Variants in LENG8 observed in about 807,000 individuals in gnomAD.
LENG8 encodes the protein leukocyte receptor cluster (LRC) member 8.
LENG8 carries 28 observed loss-of-function variants against 102.1 expected under a neutral mutation model. That is an observed-to-expected ratio of 0.27 (90% confidence interval 0.20 to 0.38). The LOEUF is 0.38. Among genes scored for constraint, LENG8 ranks in the 10% least tolerant of loss-of-function variants. The pLI is 1.00. For missense variants in LENG8, 1,022 were observed against 1,113.9 expected (o/e 0.92, Z 1.17); for synonymous variants, 531 against 456.7 (o/e 1.16, Z -2.07).
intron 15 of LENG8, 47 bp from the exon 16 acceptor site, chr19:54,460,719 G>GTCC: frequency 3.9e-6 from 3 of 778,920 alleles, no homozygotes; most frequent in South Asian, 2.1e-5. Flanking sequence ...GCCCTCCCCT[G>GTCC]CCCTCCCGCC....
rs1221630801 is a variant in LENG8, at chr19:54,461,120, C to T, written c.*192C>T. 2.2e-6 allele frequency: 2 copies of T among 897,104 alleles called. No homozygotes were observed. The highest frequency in any genetic ancestry group is 1.7e-5 in the African/African-American group (1 of 60,098). The allele number at this position is 897,104 out of a possible 1,614,324, so 55.6% of individuals were successfully genotyped here. ...GATTTTTCTACGTTTTTATTTTTTG[C>T]CTCAGAGGGATGGGATTGGGGAGGA... On this transcript the variant is annotated 3_prime_UTR_variant, in exon 16 of 16. Coordinates refer to ENST00000326764, the MANE Select transcript of LENG8 (RefSeq NM_052925.4).
chr19:54,459,712 A>C, intron 15 of LENG8: 1 of 1,030,460 alleles, frequency 9.7e-7, no homozygotes, highest in Non-Finnish European at 1.2e-6. Context: ...TTGGAGACTC[A>C]TTCTGGAATC....
intron 11 of LENG8, among the ~76,000 whole-genome samples, 158 bp from the exon 12 acceptor site, chr19:54,457,589 C>T (rs2084317643): frequency 6.6e-6 from 1 of 152,162 alleles, no homozygotes; most frequent in Non-Finnish European, 1.5e-5. Context: ...GATCCACACA[C>T]CTCGGCCTCC....
At chr19:54,450,220 C>T (rs900089039) in intron 1 of LENG8, among the ~76,000 whole-genome samples, 2 of 152,152 alleles carry the variant, frequency 1.3e-5, no homozygotes, top group Non-Finnish European at 2.9e-5. Flanking sequence ...CCAGCCCTAC[C>T]CCTGCTTCCG....
At chr19:54,451,457 G>A in intron 2 of LENG8, 75 bp downstream of exon 2, 1 of 1,489,866 alleles carries the variant, frequency 6.7e-7, no homozygotes, top group Non-Finnish European at 9.4e-7. Flanking sequence ...CCTCTGGGGT[G>A]GGACCTCCCG....
intron 15 of LENG8, 49 bp from the exon 16 acceptor site, chr19:54,460,717 C>CGG: frequency 2.6e-4 from 359 of 1,359,384 alleles, no homozygotes; most frequent in Middle Eastern, 5.2e-4. Context: ...GGGCCCTCCC[C>CGG]TGCCCTCCCG....
At chr19:54,458,946 C>T in intron 15 of LENG8, 2 of 1,497,822 alleles carry the variant, frequency 1.3e-6, no homozygotes, top group Non-Finnish European at 1.8e-6. Flanking sequence ...GGACAAGGCC[C>T]AGTCCCACTC....
chr19:54,455,270 C>G (rs1213617942), intron 7 of LENG8, 94 bp from the exon 8 acceptor site: 7 of 1,516,150 alleles, frequency 4.6e-6, no homozygotes. Context: ...AACTTGGGGA[C>G]TGCGTCCCGC....
intron 2 of LENG8, 166 bp from the exon 3 acceptor site, chr19:54,451,927 T>C (rs2083980296): frequency 1.7e-6 from 1 of 587,182 alleles, no homozygotes; most frequent in Middle Eastern, 3.1e-4. Flanking sequence ...CCCAGCAGAC[T>C]CTGAAGCAGA....
intron 11 of LENG8, among the ~76,000 whole-genome samples, chr19:54,457,525 G>C (rs2084313335): frequency 1.3e-5 from 2 of 152,140 alleles, no homozygotes; most frequent in African/African-American, 4.8e-5. Flanking sequence ...ATTTTTAGTA[G>C]AGACGGGGTT....
intron 7 of LENG8, 61 bp downstream of exon 7, chr19:54,455,153 A>G: frequency 6.2e-7 from 1 of 1,604,016 alleles, no homozygotes; most frequent in Non-Finnish European, 8.5e-7. Context: ...TCTATGGTCC[A>G]GTCCCACTGG....
chr19:54,449,958 C>T (rs1240501906), intron 1 of LENG8, among the ~76,000 whole-genome samples: 1 of 152,184 alleles, frequency 6.6e-6, no homozygotes, highest in African/African-American at 2.4e-5. Flanking sequence ...GGGCTTTTCC[C>T]CAGCTCCAGA....
At position 54,452,150 on chromosome 19, in the gene LENG8, G is replaced by C. The variant is rs768498554; in HGVS notation, c.96G>C (p.Pro32=). The C allele has an allele frequency of 6.2e-7, 1 of 1,614,012 alleles. No homozygotes were observed. Among genetic ancestry groups the C allele is most frequent in the African/African-American group, 1.3e-5 (1 of 74,922 alleles). The part of the protein sequence containing the change: ...GAGRENGMET[P]MHENPEWEKA... ...GCCGAGAGAATGGCATGGAGACGCC[G>C]ATGCACGAGAACCCGGAGTGGGAGA... Residue 32 remains proline (P), a synonymous_variant, in exon 3 of 16, where the codon CCG becomes CCC. Coordinates refer to ENST00000326764, the MANE Select transcript of LENG8 (RefSeq NM_052925.4).
Position 54,452,217 on chromosome 19 carries a change from G to A in LENG8, c.163G>A (p.Ala55Thr). Reference sequence around the variant, plus strand: ...GGCCAGCATCAGCAAGTCAGGAGCTGCCGGCGGCTCTGCCAAGTCCAGCAG... The same window carrying A: ...GGCCAGCATCAGCAAGTCAGGAGCTACCGGCGGCTCTGCCAAGTCCAGCAG... Reference protein sequence around the residue: ...ALASISKSGAAGGSAKSSSNG... With the variant: ...ALASISKSGATGGSAKSSSNG... The change falls in exon 3 of 16, where the codon GCC (alanine) becomes ACC (threonine). Residue 55 changes from alanine (A) to threonine (T), a missense_variant. By Grantham distance (58) the Ala-to-Thr change is moderately conservative. Transcript: ENST00000326764. 1 of 1,613,928 alleles carries A rather than the reference G, an allele frequency of 6.2e-7. No homozygotes were observed. The highest frequency in any genetic ancestry group is 8.5e-7 in the Non-Finnish European group (1 of 1,179,946).
Position 54,455,346 on chromosome 19 carries a change from T to C in LENG8, c.822-18T>C. Reference sequence around the variant, plus strand: ...TTGGGATCGTCTCCAGCTGAGCCCCTCATCTGTCCTCCCGCAGCGGGTCCT... The same window carrying C: ...TTGGGATCGTCTCCAGCTGAGCCCCCCATCTGTCCTCCCGCAGCGGGTCCT... On this transcript the variant is annotated intron_variant, in intron 7 of 15. Transcript: ENST00000326764. The C allele has an allele frequency of 1.2e-6, 2 of 1,613,176 alleles. No individual in the cohort carries two copies. The highest frequency in any genetic ancestry group is 4.5e-5 in the East Asian group (2 of 44,864).
Position 54,456,943 on chromosome 19 carries a change from TCTG to T in LENG8, c.1731+25_1731+27del, listed in dbSNP as rs773795168. On this transcript the variant is annotated intron_variant, in intron 11 of 15. Transcript: ENST00000326764. ...GGCAGTAAGTGCCCAGCAGGGCAGTTCTGCTCTGTGAGGCCGTGCTGGCTCAGG... is the reference window on the plus strand; with the variant it reads ...GGCAGTAAGTGCCCAGCAGGGCAGTTCTCTGTGAGGCCGTGCTGGCTCAGG... The T allele has an allele frequency of 6.7e-5, 107 of 1,588,846 alleles. No homozygotes were observed. In the East Asian group the frequency reaches 2.3e-3, roughly 35 times the overall value.
rs1350597442 is a variant in LENG8 at position 54,456,363 on chromosome 19, A to C, written c.1343A>C (p.Asn448Thr). Reference protein sequence around the residue: ...HSDSDSSYSGNECHPVGRRNP... With the variant: ...HSDSDSSYSGTECHPVGRRNP... ...GACTCCGACAGCTCCTACTCAGGGA[A>C]TGAGTGTCACCCTGTGGGCCGCAGG... The change falls in exon 10 of 16, where the codon AAT becomes ACT. Residue 448 changes from asparagine to threonine, a missense_variant. Asn to Thr is a moderately conservative substitution (Grantham distance 65, BLOSUM62 0). This residue lies in a region of LENG8 where 326 missense variants were observed against 324.5 expected (regional missense o/e 1.00). Transcript: ENST00000326764. 6.2e-7 allele frequency: 1 copy of C among 1,613,390 alleles called. No individual in the cohort carries two copies. Among genetic ancestry groups the C allele is most frequent in the Admixed American group, 1.7e-5 (1 of 60,018 alleles).
At chr19:54,457,610 G>C in intron 11 of LENG8, 137 bp from the exon 12 acceptor site, 1 of 688,530 alleles carries the variant, frequency 1.5e-6, no homozygotes. Context: ...CAAAGTGCTG[G>C]GATTACAGGC....
rs373853556 is a variant in LENG8, at chr19:54,461,365, G to C, written c.*437G>C. The C allele has an allele frequency of 4.4e-6, 2 of 458,030 alleles. No individual in the cohort carries two copies. The highest frequency in any genetic ancestry group is 2.4e-5 in the Admixed American group (1 of 42,298). 28.4% of individuals were successfully genotyped at this position (458,030 alleles called of 1,614,324 possible). Reference sequence around the variant, plus strand: ...TGCGGCGGGGGCACCCAGCAAGCCCGCCCACCGCCCGCTGCCTCACCTGCT... The same window carrying C: ...TGCGGCGGGGGCACCCAGCAAGCCCCCCCACCGCCCGCTGCCTCACCTGCT... On this transcript the variant is annotated 3_prime_UTR_variant, in exon 16 of 16. Transcript: ENST00000326764.
Sources: allele counts gnomAD v4.1 joint callset (sites outside exome capture counted in the v4.1 genomes callset), GRCh38; gene constraint gnomAD v4.1.1; regional missense constraint gnomAD v4.1.1; transcripts MANE v1.5; gene names NCBI Gene and HGNC (gene_info 2026-07-23, HGNC 2026-07-21).